Variants in ADAM28 observed in about 807,000 individuals in gnomAD.
The protein encoded by ADAM28 is disintegrin and metalloproteinase domain-containing protein 28.
ADAM28 carries 105 observed loss-of-function variants against 101.2 expected under a neutral mutation model. That is an observed-to-expected ratio of 1.04 (90% CI 0.89 to 1.22). ADAM28 has a LOEUF of 1.22. Ranked by LOEUF, ADAM28 falls within the 50% of genes most tolerant of loss-of-function variation. The pLI, the probability that ADAM28 is intolerant of heterozygous loss-of-function variation, is 0.00. For synonymous variants in ADAM28, 322 were observed against 310.6 expected, an observed-to-expected ratio of 1.04 and a Z score of -0.39; for missense variants, 1,028 against 945.4, an observed-to-expected ratio of 1.09 and a Z score of -1.15.
At chr8:24,303,449 T>C (rs539356994) in intron 2 of ADAM28, among the ~76,000 whole-genome samples, 5 of 152,310 alleles carry the variant, frequency 3.3e-5, no homozygotes, top group African/African-American at 1.2e-4. Context: ...ATCAGAGGAT[T>C]ATAGATGTGT....
intron 2 of ADAM28, among the ~76,000 whole-genome samples, chr8:24,307,572 A>G (rs1240762674): frequency 2.6e-4 from 39 of 152,226 alleles, no homozygotes; most frequent in Admixed American, 2.6e-3. Flanking sequence ...CTAAATAAGT[A>G]TGTGTTAAAT....
intron 22 of ADAM28, 31 bp downstream of exon 22, chr8:24,353,863 C>CTTGTA: frequency 7.2e-7 from 1 of 1,393,336 alleles, no homozygotes; most frequent in Non-Finnish European, 1.0e-6. Context: ...TTATTATATT[C>CTTGTA]TTGTATTATA....
chr8:24,316,063 T>TTTATTTATTTATTTAC (rs1362256082), intron 6 of ADAM28, among the ~76,000 whole-genome samples: 1 of 120,104 alleles, frequency 8.3e-6, no homozygotes, highest in Non-Finnish European at 2.0e-5. Context: ...ATAAAGGCCA[T>TTTATTTATTTATTTAC]TTATTTATTT....
intron 14 of ADAM28, 190 bp downstream of exon 14, chr8:24,335,831 GC>G (rs1813961733): frequency 8.0e-7 from 1 of 1,255,786 alleles, no homozygotes; most frequent in Non-Finnish European, 1.0e-6. Flanking sequence ...AATAAGGATG[GC>G]CCCGTTAAAT....
chr8:24,310,929 G>C (rs1201597650), intron 4 of ADAM28, among the ~76,000 whole-genome samples: 2 of 152,068 alleles, frequency 1.3e-5, no homozygotes, highest in Non-Finnish European at 2.9e-5. Flanking sequence ...GAACGCTTTT[G>C]ATAAATCAAG....
At position 24,323,989 on chromosome 8, in the gene ADAM28, T is replaced by C. The variant is rs771447528; in HGVS notation, c.876T>C (p.Ile292=). ...SVLSRRKRHD[I]AQLITATELA... is the part of the protein sequence containing the mutation. ...TCTCAAGAAGAAAGCGTCATGATAT[T>C]GCTCAGTTAATCACGTATGTACAGA... Residue 292 remains isoleucine (I), a synonymous_variant, in exon 9 of 23, where the codon ATT becomes ATC. Transcript: ENST00000265769. 6.2e-7 allele frequency: 1 copy of C among 1,611,866 alleles called. No individual in the cohort carries two copies. Among genetic ancestry groups the C allele is most frequent in the African/African-American group, 1.3e-5 (1 of 74,898 alleles).
chr8:24,350,938 TTGAG>T (rs1282365727), intron 19 of ADAM28, among the ~76,000 whole-genome samples: 1 of 151,790 alleles, frequency 6.6e-6, no homozygotes, highest in Non-Finnish European at 1.5e-5. Context: ...TTTTTTAATA[TTGAG>T]TAAGACATTA....
chr8:24,301,486 A>G (rs552357347), intron 2 of ADAM28, among the ~76,000 whole-genome samples: 2 of 152,234 alleles, frequency 1.3e-5, no homozygotes, highest in Non-Finnish European at 2.9e-5. Flanking sequence ...GTTGGAAAAA[A>G]AAATAAGGAT....
At chr8:24,310,006 G>A in intron 3 of ADAM28, 36 bp downstream of exon 3, 2 of 1,519,500 alleles carry the variant, frequency 1.3e-6, no homozygotes, top group Non-Finnish European at 1.8e-6. Flanking sequence ...TCCTCAGCAA[G>A]AGCAAGGCAG....
intron 13 of ADAM28, among the ~76,000 whole-genome samples, chr8:24,334,983 C>T (rs921918591): frequency 1.3e-5 from 2 of 152,112 alleles, no homozygotes; most frequent in African/African-American, 2.4e-5. Context: ...TTAGGAAACT[C>T]GAGGCCTGGG....
In ADAM28 at chr8:24,313,702, T is replaced by A. The variant is rs953753393; in HGVS notation, c.576+122T>A. ...AATTAGTAAGTTATAGAGACACTAATCCTTAAATATTGCTAGACATTAATG... is the reference window on the plus strand; with the variant it reads ...AATTAGTAAGTTATAGAGACACTAAACCTTAAATATTGCTAGACATTAATG... On this transcript the variant is annotated intron_variant, in intron 6 of 22. Transcript: ENST00000265769. The A allele has an allele frequency of 1.5e-5, 14 of 937,212 alleles. No homozygotes were observed. In the African/African-American group the frequency reaches 2.2e-4, roughly 15 times the overall value. 58.1% of individuals were successfully genotyped at this position (937,212 alleles called of 1,614,324 possible).
intron 10 of ADAM28, among the ~76,000 whole-genome samples, chr8:24,329,587 A>T (rs1813066248): frequency 1.3e-5 from 2 of 152,142 alleles, no homozygotes; most frequent in Admixed American, 1.3e-4. Flanking sequence ...AGTAGAGCTA[A>T]AGTGCTAGGC....
chr8:24,311,380 G>T lies in ADAM28; in HGVS notation c.326G>T (p.Gly109Val), dbSNP rs1463331653. 1 of 1,612,828 alleles carries T rather than the reference G, an allele frequency of 6.2e-7. No individual in the cohort carries two copies. The highest frequency in any genetic ancestry group is 8.5e-7 in the Non-Finnish European group (1 of 1,179,390). Residue 109 changes from glycine (G) to valine (V), a missense_variant, in exon 5 of 23, where the codon GGA becomes GTA. Coordinates refer to ENST00000265769, the MANE Select transcript of ADAM28 (RefSeq NM_014265.6). ...PQIMDDCYYQ[G>V]HILNEKVSDA... ...CTTTAGGATGATTGTTATTATCAAG[G>T]ACATATTCTTAATGAAAAGGTTTCT...
intron 5 of ADAM28, among the ~76,000 whole-genome samples, chr8:24,313,022 T>C (rs565113813): frequency 3.3e-5 from 5 of 152,274 alleles, no homozygotes; most frequent in South Asian, 2.1e-4. Flanking sequence ...TTAACACTTA[T>C]CTATAAAACT....
chr8:24,310,183 A>G lies in ADAM28; in HGVS notation c.248A>G (p.Tyr83Cys). The G allele has an allele frequency of 6.2e-7, 1 of 1,613,498 alleles. No individual in the cohort carries two copies. Among genetic ancestry groups the G allele is most frequent in the Non-Finnish European group, 8.5e-7 (1 of 1,179,602 alleles). Reference protein sequence around the residue: ...KKNKNLLAPGYTETYYNSTGK... With the variant: ...KKNKNLLAPGCTETYYNSTGK... ...TCCAGGAACCTCCTTGCACCAGGCT[A>G]CACGGAAACATATTATAATTCCACT... Residue 83 changes from tyrosine to cysteine, a missense_variant, in exon 4 of 23, where the codon TAC becomes TGC. Transcript: ENST00000265769.
intron 6 of ADAM28, among the ~76,000 whole-genome samples, chr8:24,317,687 T>C (rs770242492): frequency 4.0e-5 from 6 of 151,840 alleles, no homozygotes; most frequent in Admixed American, 6.6e-5. Flanking sequence ...TAAGAGACTA[T>C]ATCAAACGAA....
chr8:24,307,571 T>C (rs1288130429), intron 2 of ADAM28, among the ~76,000 whole-genome samples: 1 of 152,202 alleles, frequency 6.6e-6, no homozygotes, highest in Non-Finnish European at 1.5e-5. Flanking sequence ...ACTAAATAAG[T>C]ATGTGTTAAA....
chr8:24,353,666 TGAA>T (rs1816433467), intron 21 of ADAM28, 101 bp from the exon 22 acceptor site: 1 of 808,362 alleles, frequency 1.2e-6, no homozygotes, highest in Non-Finnish European at 2.0e-6. Context: ...TTTAAATGAG[TGAA>T]GAAGAGCTAG....
chr8:24,333,161 A>G (rs1813584879), intron 13 of ADAM28, among the ~76,000 whole-genome samples: 1 of 152,192 alleles, frequency 6.6e-6, no homozygotes, highest in African/African-American at 2.4e-5. Flanking sequence ...TACCAAGGGC[A>G]AGGAGGCTCG....
Sources: gnomAD v4.1 joint callset for allele counts (sites outside exome capture counted in the v4.1 genomes callset) on GRCh38, gnomAD v4.1.1 for gene constraint, MANE v1.5 for transcripts, NCBI Gene and HGNC (gene_info 2026-07-23, HGNC 2026-07-21) for gene names.